CSMD3: variants seen among roughly 807,000 people sequenced by gnomAD.
The protein encoded by CSMD3 is CUB and Sushi multiple domains 3.
Under a neutral mutation model 435.2 loss-of-function variants are expected in CSMD3, and 177 were observed. The ratio of observed to expected loss-of-function variants is 0.41; its 90% CI spans 0.36 to 0.46. The LOEUF (loss-of-function observed/expected upper bound fraction) is 0.46. CSMD3 is among the 20% of genes least tolerant of loss of function. The pLI is 0.34. For synonymous variants in CSMD3, 1,656 were observed against 1,520.5 expected, an observed-to-expected ratio of 1.09 and a Z score of -2.07; for missense variants, 4,265 against 4,504.6, an observed-to-expected ratio of 0.95 and a Z score of 1.52.
chr8:112,475,928 T>C (rs1009841573), intron 31 of CSMD3, among the ~76,000 whole-genome samples: 1 of 152,206 alleles, frequency 6.6e-6, no homozygotes, highest in Non-Finnish European at 1.5e-5. Context: ...TTTTGTCAAA[T>C]TGGCTGTTGT....
chr8:112,338,243 AATTTT>A (rs1376854813), intron 42 of CSMD3, among the ~76,000 whole-genome samples: 1 of 150,744 alleles, frequency 6.6e-6, no homozygotes, highest in Non-Finnish European at 1.5e-5. Flanking sequence ...ACTGGAAAAA[AATTTT>A]ATTTTAATAT....
intron 18 of CSMD3, among the ~76,000 whole-genome samples, chr8:112,652,089 C>A (rs2075142032): frequency 6.6e-6 from 1 of 152,068 alleles, no homozygotes; most frequent in Non-Finnish European, 1.5e-5. Context: ...TTTTTCATTG[C>A]TTTAATACCC....
intron 22 of CSMD3, among the ~76,000 whole-genome samples, chr8:112,620,138 C>T (rs901216875): frequency 1.3e-5 from 2 of 151,946 alleles, no homozygotes; most frequent in Non-Finnish European, 2.9e-5. Flanking sequence ...TGACAACTGG[C>T]CCAATATCCT....
At chr8:112,584,188 T>G (rs898977617) in intron 23 of CSMD3, among the ~76,000 whole-genome samples, 1 of 151,830 alleles carries the variant, frequency 6.6e-6, no homozygotes, top group Non-Finnish European at 1.5e-5. Flanking sequence ...TTTCTTCATT[T>G]TAACACTAGA....
chr8:112,935,291 A>C (rs902508570), intron 9 of CSMD3, among the ~76,000 whole-genome samples: 1 of 152,092 alleles, frequency 6.6e-6, no homozygotes, highest in African/African-American at 2.4e-5. Context: ...TGTTTTGGAT[A>C]CTATAGTTTT....
intron 45 of CSMD3, 25 bp downstream of exon 45, chr8:112,335,304 A>G (rs537022805): frequency 1.9e-6 from 3 of 1,608,472 alleles, no homozygotes; most frequent in Non-Finnish European, 2.6e-6. Flanking sequence ...AGCAAATGAA[A>G]TAGGAACTCT....
chr8:113,286,922 C>T (rs746212097), intron 2 of CSMD3, among the ~76,000 whole-genome samples: 5 of 150,286 alleles, frequency 3.3e-5, no homozygotes, highest in East Asian at 1.9e-4. Flanking sequence ...GGAGAGAGGA[C>T]GAGGAGTAAA....
chr8:112,838,619 C>A (rs2080094982), intron 11 of CSMD3, among the ~76,000 whole-genome samples: 1 of 151,680 alleles, frequency 6.6e-6, no homozygotes, highest in African/African-American at 2.4e-5. Context: ...ACACAAAAAT[C>A]TATGCCTTGG....
At chr8:112,377,527 C>T (rs570274183) in intron 38 of CSMD3, among the ~76,000 whole-genome samples, 1 of 152,090 alleles carries the variant, frequency 6.6e-6, no homozygotes, top group South Asian at 2.1e-4. Flanking sequence ...AATACCAAAG[C>T]CAAAGACACC....
At chr8:112,660,695 C>A (rs192550536) in intron 17 of CSMD3, among the ~76,000 whole-genome samples, 1 of 152,114 alleles carries the variant, frequency 6.6e-6, no homozygotes, top group East Asian at 1.9e-4. Context: ...GAATTTGGGA[C>A]TTAATTTATT....
intron 10 of CSMD3, among the ~76,000 whole-genome samples, chr8:112,920,144 A>G (rs1189114811): frequency 6.6e-6 from 1 of 152,010 alleles, no homozygotes; most frequent in African/African-American, 2.4e-5. Context: ...AAGTTTAGAA[A>G]GAAGGAGGCT....
intron 31 of CSMD3, among the ~76,000 whole-genome samples, chr8:112,473,906 C>A (rs191930796): frequency 2.0e-5 from 3 of 151,726 alleles, no homozygotes; most frequent in African/African-American, 7.3e-5. Context: ...TTTTTTAGGG[C>A]GCCTTCTGAG....
intron 32 of CSMD3, among the ~76,000 whole-genome samples, chr8:112,466,901 T>C (rs1174865274): frequency 6.6e-6 from 1 of 152,156 alleles, no homozygotes. Flanking sequence ...TTTAAAAAAT[T>C]ATAATCTTAT....
chr8:113,415,442 G>A (rs568405444), intron 1 of CSMD3, among the ~76,000 whole-genome samples: 7 of 152,152 alleles, frequency 4.6e-5, no homozygotes, highest in Admixed American at 2.0e-4. Context: ...AAGCATCAAC[G>A]TAGAAAAAAA....
intron 9 of CSMD3, among the ~76,000 whole-genome samples, chr8:112,938,051 G>T (rs949142517): frequency 2.6e-5 from 4 of 152,168 alleles, no homozygotes. Flanking sequence ...GGGGGGAAAA[G>T]CACTCAGAAT....
At chr8:113,429,337 TG>T (rs1406719979) in intron 1 of CSMD3, among the ~76,000 whole-genome samples, 2 of 151,656 alleles carry the variant, frequency 1.3e-5, no homozygotes, top group African/African-American at 2.4e-5. Context: ...ATAAAACCCA[TG>T]AAAAAAAGAA....
intron 1 of CSMD3, among the ~76,000 whole-genome samples, chr8:113,386,517 T>G (rs998258544): frequency 1.3e-5 from 2 of 151,918 alleles, no homozygotes; most frequent in Non-Finnish European, 2.9e-5. Context: ...TCTTTTTGAC[T>G]AGCACAATAC....
intron 1 of CSMD3, among the ~76,000 whole-genome samples, chr8:113,410,603 A>G (rs1371583220): frequency 6.6e-6 from 1 of 151,986 alleles, no homozygotes; most frequent in Non-Finnish European, 1.5e-5. Context: ...GTGGTCCCCA[A>G]GTTCTATCTT....
At chr8:113,243,550 C>T (rs1588353067) in intron 3 of CSMD3, among the ~76,000 whole-genome samples, 1 of 151,942 alleles carries the variant, frequency 6.6e-6, no homozygotes, top group East Asian at 1.9e-4. Context: ...TGACTATTTA[C>T]TAAATAGTGC....
Sources: allele counts gnomAD v4.1 joint callset (sites outside exome capture counted in the v4.1 genomes callset), GRCh38; gene constraint gnomAD v4.1.1; transcripts MANE v1.5; gene names NCBI Gene and HGNC (gene_info 2026-07-23, HGNC 2026-07-21).